NRG2: variants seen among roughly 807,000 people sequenced by gnomAD.
The protein encoded by NRG2 is pro-neuregulin-2, membrane-bound isoform.
Under a neutral mutation model 73.9 loss-of-function variants are expected in NRG2, and 27 were observed. The ratio of observed to expected loss-of-function variants is 0.37; its 90% CI spans 0.27 to 0.50. The LOEUF (loss-of-function observed/expected upper bound fraction) is 0.50, where lower values mean the gene tolerates loss of function less well. Among genes scored for constraint, NRG2 ranks in the 20% least tolerant of loss-of-function variants. NRG2 has a pLI of 0.96. For missense variants in NRG2, 1,126 were observed against 1,210.1 expected, an observed-to-expected ratio of 0.93 and a Z score of 1.03; for synonymous variants, 532 against 541.0, an observed-to-expected ratio of 0.98 and a Z score of 0.23.
rs1005566335 is a variant in NRG2 at position 139,894,208 on chromosome 5, G to A, written c.701-6697C>T. On this transcript the variant is annotated intron_variant, in intron 1 of 9. Coordinates refer to ENST00000361474, the MANE Select transcript of NRG2 (RefSeq NM_004883.3). This position sits in a 1 kb window ranked among gnomAD's most constrained non-coding sequence, Gnocchi z 5.0. ...GAGGACCTGGCTCTGCCTCCCTCCC[G>A]GCACCCAGCGGGCAGGGGCAGCAGG... Among the ~76,000 whole-genome samples, 3 of 152,116 alleles carry A rather than the reference G, an allele frequency of 2.0e-5. No homozygotes were observed. The highest frequency in any genetic ancestry group is 4.4e-5 in the Non-Finnish European group (3 of 68,002).
chr5:140,032,750 G>A, intron 1 of NRG2, among the ~76,000 whole-genome samples: 1 of 152,138 alleles, frequency 6.6e-6, no homozygotes, highest in Non-Finnish European at 1.5e-5. Context: ...CATAATATAG[G>A]CCACAAATAC....
intron 1 of NRG2, among the ~76,000 whole-genome samples, chr5:140,031,945 T>C (rs1026819233): frequency 2.0e-5 from 3 of 151,886 alleles, no homozygotes; most frequent in African/African-American, 7.3e-5. Context: ...AAGGGAATGG[T>C]GTAAGAATGA....
chr5:139,907,325 C>T (rs1201730949), intron 1 of NRG2, among the ~76,000 whole-genome samples: 2 of 152,148 alleles, frequency 1.3e-5, no homozygotes, highest in African/African-American at 4.8e-5. Flanking sequence ...CGATGAGATC[C>T]TCTGCTTCCT....
rs115599449 is a variant in NRG2 at position 139,961,715 on chromosome 5, C to A, written c.701-74204G>T. Among the ~76,000 whole-genome samples, 539 of 152,268 alleles carry A rather than the reference C, an allele frequency of 3.5e-3. 3 individuals carry two copies. The highest frequency in any genetic ancestry group is 0.012 in the African/African-American group (502 of 41,560). ...TCAGTCTCTAGATTGTGGTTGGCCC[C>A]CTGCTCCCTGCTGAGAGCTGGAGGT... is the stretch of plus-strand genomic sequence containing the variant. On this transcript the variant is annotated intron_variant, in intron 1 of 9. Transcript: ENST00000361474.
Position 139,940,045 on chromosome 5 carries a change from T to A in NRG2, c.701-52534A>T, listed in dbSNP as rs369222293. Among the ~76,000 whole-genome samples the A allele has an allele frequency of 2.6e-5, 4 of 152,250 alleles. No homozygotes were observed. The East Asian group carries it at 7.7e-4, about 29-fold the overall frequency. ...CTGCTGGGAAGGTCAAATGGTACAG[T>A]TTGGTAGTTTCTGAAAATATTAAAC... On this transcript the variant is annotated intron_variant, in intron 1 of 9. Transcript: ENST00000361474.
chr5:139,987,100 G>A (rs142646845), intron 1 of NRG2, among the ~76,000 whole-genome samples: 2 of 152,066 alleles, frequency 1.3e-5, no homozygotes, highest in East Asian at 1.9e-4. Context: ...GGCTAGGCAC[G>A]GTGGCTCACG....
intron 1 of NRG2, among the ~76,000 whole-genome samples, chr5:139,946,176 CA>C: frequency 6.6e-6 from 1 of 152,072 alleles, no homozygotes; most frequent in African/African-American, 2.4e-5. Context: ...AAAAGAAGAA[CA>C]AAGTTGCAAG....
Position 139,848,113 on chromosome 5 carries a change from C to CCGTCCGCGTCGTCCGCGT in NRG2, c.2339_2356dup (p.Asp780_Asp785dup). On this transcript the variant is annotated inframe_insertion, in exon 10 of 10. Transcript: ENST00000361474. ...AGGTGTGCTCTCGGCCGCCAGCGCC[C>CCGTCCGCGTCGTCCGCGT]CGTCCGCGTCGTCCGCGTCGTCGTC... The CCGTCCGCGTCGTCCGCGT allele has an allele frequency of 6.8e-7, 1 of 1,474,652 alleles. No individual in the cohort carries two copies. Among genetic ancestry groups the CCGTCCGCGTCGTCCGCGT allele is most frequent in the Non-Finnish European group, 8.9e-7 (1 of 1,120,500 alleles). 91.3% of individuals were successfully genotyped at this position (1,474,652 alleles called of 1,614,324 possible).
chr5:140,017,568 A>C (rs74712843), intron 1 of NRG2, among the ~76,000 whole-genome samples: 1 of 152,348 alleles, frequency 6.6e-6, no homozygotes, highest in Non-Finnish European at 1.5e-5. Flanking sequence ...ATTAGCCAAC[A>C]GTGTCAAAAT....
At chr5:139,861,468 T>G (rs1165261161) in intron 5 of NRG2, among the ~76,000 whole-genome samples, 1 of 152,188 alleles carries the variant, frequency 6.6e-6, no homozygotes, top group Non-Finnish European at 1.5e-5. Flanking sequence ...CTGTGATGGC[T>G]CTGACTAAAG....
intron 1 of NRG2, among the ~76,000 whole-genome samples, chr5:139,991,776 T>C (rs1757649869): frequency 6.6e-6 from 1 of 152,218 alleles, no homozygotes; most frequent in African/African-American, 2.4e-5. Flanking sequence ...TTTTTGCATA[T>C]GAATTTTTTT....
At chr5:139,883,728 G>A (rs763092433) in intron 2 of NRG2, among the ~76,000 whole-genome samples, 12 of 152,268 alleles carry the variant, frequency 7.9e-5, no homozygotes, top group African/African-American at 2.6e-4. Context: ...AAGTCACTCC[G>A]AGGGCGCCTT....
intron 1 of NRG2, among the ~76,000 whole-genome samples, chr5:139,962,992 T>C (rs1462650026): frequency 6.6e-6 from 1 of 152,230 alleles, no homozygotes; most frequent in Non-Finnish European, 1.5e-5. Context: ...TTTTTCAAGA[T>C]TGACCTTCTC....
At chr5:139,876,629 C>T (rs1388080641) in intron 3 of NRG2, among the ~76,000 whole-genome samples, 6 of 151,964 alleles carry the variant, frequency 3.9e-5, no homozygotes, top group African/African-American at 9.7e-5. Flanking sequence ...TGTGGAGCTG[C>T]GTCCCCGACT....
At chr5:139,998,923 T>C (rs1379432361) in intron 1 of NRG2, among the ~76,000 whole-genome samples, 1 of 152,152 alleles carries the variant, frequency 6.6e-6, no homozygotes, top group Non-Finnish European at 1.5e-5. Flanking sequence ...AGCAGAAGAC[T>C]CTGAATCCTA....
chr5:139,876,881 G>T (rs1763208486), intron 3 of NRG2, among the ~76,000 whole-genome samples: 1 of 151,614 alleles, frequency 6.6e-6, no homozygotes, highest in South Asian at 2.1e-4. Context: ...GCAAGATCTT[G>T]TTGAATAAGC....
At position 140,042,435 on chromosome 5, in the gene NRG2, G is replaced by A. The variant is rs746617274; in HGVS notation, c.635C>T (p.Ala212Val). The A allele has an allele frequency of 3.3e-5, 53 of 1,609,574 alleles. No individual in the cohort carries two copies. Among genetic ancestry groups the A allele is most frequent in the Admixed American group, 3.4e-5 (2 of 59,346 alleles). ...ATTTTTGCCGTTGGTATCGAGGGGGGCAAAGGCCGTCTTAAAGACTAAGGG... is the reference window on the plus strand; with the variant it reads ...ATTTTTGCCGTTGGTATCGAGGGGGACAAAGGCCGTCTTAAAGACTAAGGG... ...EQPLVFKTAF[A>V]PLDTNGKNLK... is the part of the protein sequence containing the mutation. Residue 212 changes from alanine to valine, a missense_variant, in exon 1 of 10, where the codon GCC becomes GTC. Coordinates refer to ENST00000361474, the MANE Select transcript of NRG2 (RefSeq NM_004883.3).
chr5:139,926,649 C>A (rs1163555708), intron 1 of NRG2, among the ~76,000 whole-genome samples: 2 of 152,188 alleles, frequency 1.3e-5, no homozygotes, highest in Non-Finnish European at 2.9e-5. Context: ...TTCCTTACAT[C>A]CTTAGGCTAG....
At chr5:139,901,902 C>T (rs1764912708) in intron 1 of NRG2, among the ~76,000 whole-genome samples, 1 of 152,354 alleles carries the variant, frequency 6.6e-6, no homozygotes, top group African/African-American at 2.4e-5. Flanking sequence ...TTCTTTAAGG[C>T]CAATTTTCCC....
Sources: gnomAD v4.1 joint callset for allele counts (sites outside exome capture counted in the v4.1 genomes callset) on GRCh38, gnomAD v4.1.1 for gene constraint, Gnocchi (gnomAD v3.1) non-coding constraint, MANE v1.5 for transcripts, NCBI Gene and HGNC (gene_info 2026-07-23, HGNC 2026-07-21) for gene names.